CFAP54: variants seen among roughly 807,000 people sequenced by gnomAD.
The protein encoded by CFAP54 is cilia- and flagella-associated protein 54.
CFAP54 carries 290 observed loss-of-function variants against 370.4 expected under a neutral mutation model. That is an observed-to-expected ratio of 0.78 (90% CI 0.71 to 0.86). The LOEUF is 0.86. CFAP54 is among the 40% of genes least tolerant of loss of function. CFAP54 has a pLI of 0.00. For synonymous variants in CFAP54, 1,206 were observed against 1,236.5 expected, an observed-to-expected ratio of 0.98 and a Z score of 0.52; for missense variants, 3,399 against 3,528.7, an observed-to-expected ratio of 0.96 and a Z score of 0.93.
At chr12:96,658,716 C>G (rs919746821) in intron 38 of CFAP54, among the ~76,000 whole-genome samples, 1 of 152,070 alleles carries the variant, frequency 6.6e-6, no homozygotes, top group African/African-American at 2.4e-5. Context: ...ACCTCCGCCT[C>G]TTCCTTAGTG....
intron 32 of CFAP54, among the ~76,000 whole-genome samples, chr12:96,637,395 C>A (rs11108599): frequency 0.034 from 5,183 of 152,158 alleles, 212 homozygotes; most frequent in African/African-American, 0.098. Flanking sequence ...ATTTTCATTT[C>A]TCTTGGGTAC....
intron 42 of CFAP54, among the ~76,000 whole-genome samples, chr12:96,687,875 C>A (rs951345134): frequency 1.3e-5 from 2 of 152,204 alleles, no homozygotes; most frequent in African/African-American, 2.4e-5. Flanking sequence ...GGCACCTCCG[C>A]TTCTCTGAGC....
intron 49 of CFAP54, 86 bp from the exon 50 acceptor site, chr12:96,720,319 G>C: frequency 3.5e-6 from 4 of 1,148,862 alleles, no homozygotes; most frequent in Middle Eastern, 3.1e-4. Context: ...TTACTTTTCA[G>C]TACATGAAAA....
intron 38 of CFAP54, among the ~76,000 whole-genome samples, chr12:96,658,856 CAG>C (rs948807849): frequency 7.9e-5 from 12 of 152,110 alleles, no homozygotes; most frequent in African/African-American, 2.7e-4. Flanking sequence ...AGGATTCAAT[CAG>C]GGGAGCAAAA....
intron 63 of CFAP54, among the ~76,000 whole-genome samples, chr12:96,800,752 A>G (rs1269835366): frequency 6.6e-6 from 1 of 152,226 alleles, no homozygotes; most frequent in Non-Finnish European, 1.5e-5. Flanking sequence ...AAACTAATGT[A>G]GAACTCACTA....
chr12:96,629,219 T>G (rs1470746372), intron 30 of CFAP54, among the ~76,000 whole-genome samples: 1 of 152,184 alleles, frequency 6.6e-6, no homozygotes, highest in Admixed American at 6.5e-5. Context: ...CAACTCCTCT[T>G]TTTCCCTATA....
chr12:96,839,462 A>T (rs1959198515), intron 66 of CFAP54, among the ~76,000 whole-genome samples: 1 of 152,320 alleles, frequency 6.6e-6, no homozygotes, highest in East Asian at 1.9e-4. Context: ...GCCTCTGAGT[A>T]TACTCATGAA....
At chr12:96,695,909 T>C (rs1388809433) in intron 45 of CFAP54, among the ~76,000 whole-genome samples, 1 of 152,078 alleles carries the variant, frequency 6.6e-6, no homozygotes, top group Non-Finnish European at 1.5e-5. Flanking sequence ...TATAAGGAAG[T>C]GAAAACTGAG....
intron 45 of CFAP54, among the ~76,000 whole-genome samples, chr12:96,699,171 T>C (rs1424388160): frequency 6.6e-6 from 1 of 152,192 alleles, no homozygotes; most frequent in Non-Finnish European, 1.5e-5. Context: ...GTTATACTTC[T>C]ATGCAAACGA....
In CFAP54 at chr12:96,594,306, G is replaced by A; in HGVS notation, c.3376G>A (p.Glu1126Lys). 1 of 1,531,784 alleles carries A rather than the reference G, an allele frequency of 6.5e-7. No individual in the cohort carries two copies. Among genetic ancestry groups the A allele is most frequent in the Non-Finnish European group, 8.7e-7 (1 of 1,144,054 alleles). The allele number at this position is 1,531,784 out of a possible 1,614,324, so 94.9% of individuals were successfully genotyped here. ...FPSQQIARLI[E>K]CERVLVALEL... is the part of the protein sequence containing the mutation. ...TTCTTTACAGATTGCCAGACTGATT[G>A]AATGTGAGAGAGTATTAGTGGCATT... Residue 1126 changes from glutamate to lysine, a missense_variant, in exon 25 of 68, where the codon GAA (glutamate) becomes AAA (lysine). Glu to Lys is a moderately conservative substitution (Grantham distance 56, BLOSUM62 1). This residue lies in a region of CFAP54 where 2,796 missense variants were observed against 2,869.7 expected (regional missense o/e 0.97). Transcript: ENST00000524981.
In CFAP54 at chr12:96,512,970, C is replaced by A. The variant is rs896265093; in HGVS notation, c.740-16C>A. On this transcript the variant is annotated splice_polypyrimidine_tract_variant and intron_variant, in intron 4 of 67. Transcript: ENST00000524981. ...TTTGACTGTAAAACATGTTAACAAT[C>A]GTTTTCTCCATCCAGGTACCATTTA... 6.8e-7 allele frequency: 1 copy of A among 1,480,594 alleles called. No homozygotes were observed. The highest frequency in any genetic ancestry group is 9.0e-7 in the Non-Finnish European group (1 of 1,110,268). The allele number at this position is 1,480,594 out of a possible 1,614,324, so 91.7% of individuals were successfully genotyped here. A position where few individuals can be genotyped will look rare whatever the true frequency, so the allele number is the denominator to read the frequency against.
intron 50 of CFAP54, among the ~76,000 whole-genome samples, chr12:96,722,623 G>C (rs1238180871): frequency 6.6e-6 from 1 of 152,166 alleles, no homozygotes; most frequent in African/African-American, 2.4e-5. Context: ...GGAGTGACAT[G>C]ATCTGATTTT....
chr12:96,596,737 T>C (rs865823024), intron 25 of CFAP54, among the ~76,000 whole-genome samples: 5 of 151,844 alleles, frequency 3.3e-5, no homozygotes, highest in Admixed American at 6.6e-5. Flanking sequence ...ATAACAAAGA[T>C]AGAAGAACAT....
At chr12:96,558,173 A>G (rs1273983779) in intron 17 of CFAP54, among the ~76,000 whole-genome samples, 6 of 152,168 alleles carry the variant, frequency 3.9e-5, no homozygotes, top group African/African-American at 1.4e-4. Flanking sequence ...TAAAACATAC[A>G]TACATGATAA....
At chr12:96,642,301 T>A (rs1956739706) in intron 32 of CFAP54, among the ~76,000 whole-genome samples, 1 of 152,108 alleles carries the variant, frequency 6.6e-6, no homozygotes. Context: ...TCGAGTCAAT[T>A]GATTTCTTTT....
chr12:96,605,138 C>T (rs1413542378), intron 26 of CFAP54, among the ~76,000 whole-genome samples: 1 of 151,924 alleles, frequency 6.6e-6, no homozygotes, highest in East Asian at 1.9e-4. Context: ...ATTTTATAAG[C>T]ATTATATATG....
chr12:96,774,738 A>C (rs1465854630), intron 60 of CFAP54, among the ~76,000 whole-genome samples: 1 of 152,182 alleles, frequency 6.6e-6, no homozygotes, highest in Non-Finnish European at 1.5e-5. Context: ...AACCAAGAAT[A>C]TTATATGCCC....
At chr12:96,558,674 T>C (rs976701647) in intron 17 of CFAP54, among the ~76,000 whole-genome samples, 4 of 152,148 alleles carry the variant, frequency 2.6e-5, no homozygotes, top group Admixed American at 2.0e-4. Flanking sequence ...GATATTCATA[T>C]GCAAAAGAAT....
chr12:96,721,422 GGCA>G (rs1565953821), intron 50 of CFAP54, among the ~76,000 whole-genome samples: 26 of 152,134 alleles, frequency 1.7e-4, no homozygotes, highest in African/African-American at 6.3e-4. Flanking sequence ...CTCTGATCTA[GGCA>G]GTGAAGATAT....
Sources: allele counts gnomAD v4.1 joint callset (sites outside exome capture counted in the v4.1 genomes callset), GRCh38; gene constraint gnomAD v4.1.1; regional missense constraint gnomAD v4.1.1; transcripts MANE v1.5; gene names NCBI Gene and HGNC (gene_info 2026-07-23, HGNC 2026-07-21).